The following SMARCD3 variants were observed in gnomAD, a reference collection of about 807,000 sequenced individuals.
SMARCD3 encodes SWI/SNF-related matrix-associated actin-dependent regulator of chromatin subfamily D member 3.
In SMARCD3, 14 loss-of-function variants were observed where a neutral mutation model predicts 58.0. The observed-to-expected ratio is 0.24, with a 90% CI of 0.16 to 0.38. SMARCD3 has a LOEUF of 0.38. Ranked by LOEUF, SMARCD3 falls within the 10% of genes least tolerant of loss-of-function variation. The pLI is 1.00. For missense variants in SMARCD3, 408 were observed against 636.9 expected (o/e 0.64, Z 3.87); for synonymous variants, 253 against 253.8 (o/e 1.00, Z 0.03).
chr7:151,255,197 C>T (rs1803661300), intron 2 of SMARCD3, among the ~76,000 whole-genome samples: 3 of 152,138 alleles, frequency 2.0e-5, no homozygotes, highest in African/African-American at 7.2e-5. Context: ...TTGAGCCCCA[C>T]AAGGCCCTAG....
In SMARCD3 at chr7:151,248,176, G is replaced by A. The variant is rs1012119105; in HGVS notation, c.78+309C>T. 1.3e-5 allele frequency among the ~76,000 whole-genome samples: 2 copies of A among 149,734 alleles called. No individual in the cohort carries two copies. Among genetic ancestry groups the A allele is most frequent in the East Asian group, 2.0e-4 (1 of 4,968 alleles). ...CACCTGGGCCCACAAGGAAAAGAAC[G>A]AAAGTCAACCTGTCGGCTACAGCGA... On this transcript the variant is annotated intron_variant, in intron 1 of 12. Transcript: ENST00000262188. This position sits in a 1 kb window ranked among gnomAD's most constrained non-coding sequence, Gnocchi z 6.1.
Position 151,245,203 on chromosome 7 carries a change from A to G in SMARCD3, c.290+257T>C, listed in dbSNP as rs1171517546. ...GAGAAGGACTGAGCAGGTGACAAGGAGAAGGGTGAGGGGAGCGTGCAGGGA... is the reference window on the plus strand; with the variant it reads ...GAGAAGGACTGAGCAGGTGACAAGGGGAAGGGTGAGGGGAGCGTGCAGGGA... On this transcript the variant is annotated intron_variant, in intron 2 of 12. Transcript: ENST00000262188. The surrounding 1 kb of genome is among the most constrained non-coding windows in gnomAD (Gnocchi z 6.2). Among the ~76,000 whole-genome samples the G allele has an allele frequency of 2.0e-5, 3 of 149,006 alleles. No individual in the cohort carries two copies. The highest frequency in any genetic ancestry group is 6.7e-5 in the Admixed American group (1 of 14,960).
At position 151,272,528 on chromosome 7, in the gene SMARCD3, T is replaced by A. The variant is rs115439878; in HGVS notation, c.39+2586A>T. On this transcript the variant is annotated intron_variant, in intron 2 of 13. Transcript: ENST00000356800. Reference sequence around the variant, plus strand: ...AACGATCTTCAGTCTGGGAAAAAGGTTCACATGGGAGATGGTCCAAGTTTG... The same window carrying A: ...AACGATCTTCAGTCTGGGAAAAAGGATCACATGGGAGATGGTCCAAGTTTG... Among the ~76,000 whole-genome samples the A allele has an allele frequency of 9.3e-3, 1,417 of 152,232 alleles. 15 individuals are homozygous for A. Among genetic ancestry groups the A allele is most frequent in the African/African-American group, 0.032 (1,348 of 41,502 alleles).
chr7:151,247,029 C>T (rs866216309), intron 1 of SMARCD3, among the ~76,000 whole-genome samples: 2 of 152,124 alleles, frequency 1.3e-5, no homozygotes, highest in African/African-American at 2.4e-5. Flanking sequence ...CTAATGTCCT[C>T]CCACCCTCGG....
chr7:151,260,346 A>C (rs1352293224), intron 2 of SMARCD3, among the ~76,000 whole-genome samples: 1 of 152,178 alleles, frequency 6.6e-6, no homozygotes, highest in African/African-American at 2.4e-5. Flanking sequence ...ATCGTTTTAA[A>C]CACACCCCTC....
chr7:151,252,097 C>T (rs1358336457), upstream of SMARCD3, among the ~76,000 whole-genome samples: 3 of 152,034 alleles, frequency 2.0e-5, no homozygotes, highest in Non-Finnish European at 2.9e-5. Context: ...TCCTTCCCTG[C>T]GGGAAGATGG....
Position 151,245,325 on chromosome 7 carries a change from C to T in SMARCD3, c.290+135G>A. 1 of 388,140 alleles carries T rather than the reference C, an allele frequency of 2.6e-6. No homozygotes were observed. The highest frequency in any genetic ancestry group is 4.5e-6 in the Non-Finnish European group (1 of 224,292). 24.0% of individuals were successfully genotyped at this position (388,140 alleles called of 1,614,324 possible). A position where few individuals can be genotyped will look rare whatever the true frequency, so the allele number is the denominator to read the frequency against. ...TAAGCCTACCTCCCCAGAGGGCATT[C>T]GACCCGGGAAGCCTCGCTCCCTGCT... On this transcript the variant is annotated intron_variant, in intron 2 of 12. Coordinates refer to ENST00000262188, the MANE Select transcript of SMARCD3 (RefSeq NM_001003801.2). The surrounding 1 kb of genome is among the most constrained non-coding windows in gnomAD (Gnocchi z 6.2).
chr7:151,240,510 G>C lies in SMARCD3; in HGVS notation c.952C>G (p.Pro318Ala). The C allele has an allele frequency of 6.2e-7, 1 of 1,613,044 alleles. No homozygotes were observed. Among genetic ancestry groups the C allele is most frequent in the Non-Finnish European group, 8.5e-7 (1 of 1,179,472 alleles). The change falls in exon 9 of 13, where the codon CCC becomes GCC. Residue 318 changes from proline to alanine, a missense_variant. Pro to Ala is a conservative substitution (Grantham distance 27). Around this residue, in one of 4 missense-constraint regions of SMARCD3, gnomAD observed 115 missense variants for 257.2 expected, o/e 0.45. Transcript: ENST00000262188. ...DKYFQQIFDC[P>A]RLKFSEIPQR... is the part of the protein sequence containing the mutation. ...GGAATCTCAGAAAACTTCAGCCGGGGACAATCAAAAATCTGAAGCAGGACA... is the reference window on the plus strand; with the variant it reads ...GGAATCTCAGAAAACTTCAGCCGGGCACAATCAAAAATCTGAAGCAGGACA...
chr7:151,242,462 G>C lies in SMARCD3; in HGVS notation c.579+19C>G. The stretch of plus-strand genomic sequence containing the variant: ...ATGCCCACCCCAGGACACCTGGAGA[G>C]ACCTGGGCCGGGACGTACATCATCC... On this transcript the variant is annotated intron_variant, in intron 5 of 12. Transcript: ENST00000262188. The surrounding 1 kb of genome is among the most constrained non-coding windows in gnomAD (Gnocchi z 4.7). 6.2e-7 allele frequency: 1 copy of C among 1,611,140 alleles called. No individual in the cohort carries two copies. Among genetic ancestry groups the C allele is most frequent in the Non-Finnish European group, 8.5e-7 (1 of 1,179,508 alleles).
chr7:151,271,949 A>G (rs1795186407), intron 2 of SMARCD3, among the ~76,000 whole-genome samples: 2 of 152,056 alleles, frequency 1.3e-5, no homozygotes, highest in Non-Finnish European at 2.9e-5. Flanking sequence ...ACAGCGTGAG[A>G]CTCTGTCTCT....
intron 1 of SMARCD3, among the ~76,000 whole-genome samples, chr7:151,275,888 G>A (rs919705367): frequency 8.5e-5 from 13 of 152,200 alleles, no homozygotes; most frequent in African/African-American, 3.1e-4. Context: ...GAAGAGAGCA[G>A]TGCTGTAGGA....
Position 151,241,793 on chromosome 7 carries a change from T to G in SMARCD3, c.777+84A>C. 2.2e-6 allele frequency: 3 copies of G among 1,353,122 alleles called. No individual in the cohort carries two copies. The highest frequency in any genetic ancestry group is 3.1e-6 in the Non-Finnish European group (3 of 961,522). 83.8% of individuals were successfully genotyped at this position (1,353,122 alleles called of 1,614,324 possible). A position where few individuals can be genotyped will look rare whatever the true frequency, so the allele number is the denominator to read the frequency against. ...GGATAGGTTTGGGAGGGGAAGGAGG[T>G]CTCTCAAGATGCACCACTTTGGGAC... On this transcript the variant is annotated intron_variant, in intron 7 of 12. Transcript: ENST00000262188. This position sits in a 1 kb window ranked among gnomAD's most constrained non-coding sequence, Gnocchi z 5.3.
At chr7:151,250,301 A>G (rs1484364561), upstream of SMARCD3, among the ~76,000 whole-genome samples, 1 of 151,420 alleles carries the variant, frequency 6.6e-6, no homozygotes, top group Non-Finnish European at 1.5e-5. Context: ...TTGCTACCAA[A>G]TCTCTCCCAG....
rs1244530653 is a variant in SMARCD3, at chr7:151,245,633, C to T, written c.117G>A (p.Gln39=). The T allele has an allele frequency of 3.5e-6, 4 of 1,145,122 alleles. No homozygotes were observed. The highest frequency in any genetic ancestry group is 4.4e-6 in the Non-Finnish European group (4 of 917,708). 70.9% of individuals were successfully genotyped at this position (1,145,122 alleles called of 1,614,324 possible). A position where few individuals can be genotyped will look rare whatever the true frequency, so the allele number is the denominator to read the frequency against. ...AGCCCGGGGGGCCCATGGGCGCCCCCTGGTGGGGCATCCGGGCTCCAGACG... is the reference window on the plus strand; with the variant it reads ...AGCCCGGGGGGCCCATGGGCGCCCCTTGGTGGGGCATCCGGGCTCCAGACG... The part of the protein sequence containing the change: ...GMPSGARMPH[Q]GAPMGPPGSP... The change falls in exon 2 of 13, where the codon CAG becomes CAA. Residue 39 remains glutamine, a synonymous_variant. Transcript: ENST00000262188. The surrounding 1 kb of genome is among the most constrained non-coding windows in gnomAD (Gnocchi z 6.2).
Position 151,242,678 on chromosome 7 carries a change from C to G in SMARCD3, c.456+43G>C. ...GACCACCCTGCTTCCCCATCCTGGT[C>G]ACACAACTCTAGAGTCCCCTTCCTA... On this transcript the variant is annotated intron_variant, in intron 4 of 12. Transcript: ENST00000262188. The surrounding 1 kb of genome is among the most constrained non-coding windows in gnomAD (Gnocchi z 4.7). 6.2e-7 allele frequency: 1 copy of G among 1,613,360 alleles called. No individual in the cohort carries two copies. The highest frequency in any genetic ancestry group is 8.5e-7 in the Non-Finnish European group (1 of 1,179,412).
At chr7:151,263,220 G>T (rs1461904952) in intron 2 of SMARCD3, among the ~76,000 whole-genome samples, 1 of 152,108 alleles carries the variant, frequency 6.6e-6, no homozygotes, top group Non-Finnish European at 1.5e-5. Flanking sequence ...TTGATGGGAA[G>T]AAGTGGAATG....
intron 2 of SMARCD3, among the ~76,000 whole-genome samples, chr7:151,259,714 A>T (rs1803854477): frequency 6.8e-6 from 1 of 145,990 alleles, no homozygotes; most frequent in Non-Finnish European, 1.5e-5. Flanking sequence ...GATTCAAGCG[A>T]TCCTCCTGCC....
chr7:151,263,457 G>A (rs2150611075), intron 2 of SMARCD3, among the ~76,000 whole-genome samples: 1 of 152,192 alleles, frequency 6.6e-6, no homozygotes, highest in South Asian at 2.1e-4. Context: ...GCCCTCCCCA[G>A]GTTCCACCTT....
chr7:151,267,591 G>C (rs1375883494), intron 2 of SMARCD3, among the ~76,000 whole-genome samples: 9 of 152,210 alleles, frequency 5.9e-5, no homozygotes, highest in Non-Finnish European at 1.5e-5. Context: ...TTCTCAAACT[G>C]GGATTCAGAT....
Sources: allele counts gnomAD v4.1 joint callset (sites outside exome capture counted in the v4.1 genomes callset), GRCh38; gene constraint gnomAD v4.1.1; regional missense constraint gnomAD v4.1.1; non-coding constraint Gnocchi (gnomAD v3.1); transcripts MANE v1.5; gene names NCBI Gene and HGNC (gene_info 2026-07-23, HGNC 2026-07-21).